The following SCFD2 variants were observed in gnomAD, a reference collection of about 807,000 sequenced individuals.
SCFD2 encodes sec1 family domain-containing protein 2.
Under a neutral mutation model 58.9 loss-of-function variants are expected in SCFD2, and 54 were observed. That is an observed-to-expected ratio of 0.92 (90% CI 0.74 to 1.15). The LOEUF (loss-of-function observed/expected upper bound fraction) is 1.15. Ranked by LOEUF, SCFD2 falls within the 50% of genes most tolerant of loss-of-function variation. The pLI is 0.00. For missense variants in SCFD2, 805 were observed against 836.6 expected (o/e 0.96, Z 0.47); for synonymous variants, 321 against 335.9 (o/e 0.96, Z 0.49).
intron 4 of SCFD2, among the ~76,000 whole-genome samples, chr4:53,218,542 T>C (rs1163073190): frequency 6.6e-6 from 1 of 152,140 alleles, no homozygotes; most frequent in Non-Finnish European, 1.5e-5. Flanking sequence ...TAGGCATTCA[T>C]CTAATCTTTT....
rs1718989866 is a variant in SCFD2, at chr4:52,895,689, T to G, written c.1843-9823A>C. On this transcript the variant is annotated intron_variant, in intron 7 of 8. Transcript: ENST00000401642. ...TCTAATCCTTTGGGTATATACCTAGTAATGGGATGGCTGGGTCAAATGGTA... is the reference window on the plus strand; with the variant it reads ...TCTAATCCTTTGGGTATATACCTAGGAATGGGATGGCTGGGTCAAATGGTA... Among the ~76,000 whole-genome samples, 2 of 152,234 alleles carry G rather than the reference T, an allele frequency of 1.3e-5. 1 individual carries two copies. The highest frequency in any genetic ancestry group is 4.1e-4 in the South Asian group (2 of 4,830).
chr4:53,238,348 C>CGG (rs779264998), intron 4 of SCFD2, among the ~76,000 whole-genome samples: 1 of 100,728 alleles, frequency 9.9e-6, no homozygotes, highest in Non-Finnish European at 2.0e-5. Flanking sequence ...GCTGGCCGGG[C>CGG]GGGGGCTGAT....
intron 5 of SCFD2, among the ~76,000 whole-genome samples, chr4:53,052,791 A>G (rs751252100): frequency 9.9e-5 from 15 of 152,230 alleles, no homozygotes; most frequent in Non-Finnish European, 1.9e-4. Flanking sequence ...GTATCTCCAT[A>G]CAATGCAATA....
At chr4:53,144,528 T>C (rs1726264477) in intron 5 of SCFD2, among the ~76,000 whole-genome samples, 1 of 147,860 alleles carries the variant, frequency 6.8e-6, no homozygotes, top group African/African-American at 2.5e-5. Context: ...GAAATTGGAA[T>C]ATATATATTT....
chr4:53,187,158 G>A (rs1490158732), intron 4 of SCFD2, among the ~76,000 whole-genome samples: 3 of 151,990 alleles, frequency 2.0e-5, no homozygotes, highest in Non-Finnish European at 4.4e-5. Context: ...GCCGAGCTCA[G>A]CATTTCACAA....
At chr4:52,878,001 C>T (rs962164341) in intron 8 of SCFD2, among the ~76,000 whole-genome samples, 3 of 152,194 alleles carry the variant, frequency 2.0e-5, no homozygotes, top group Admixed American at 2.0e-4. Flanking sequence ...GCTTCTTTGT[C>T]TGGGAGAGGA....
At chr4:53,037,155 G>A (rs1031428254) in intron 5 of SCFD2, among the ~76,000 whole-genome samples, 7 of 152,048 alleles carry the variant, frequency 4.6e-5, no homozygotes, top group African/African-American at 1.7e-4. Context: ...ACTGAGGACT[G>A]TTCAAATAAA....
rs180982297 is a variant in SCFD2 at position 53,340,401 on chromosome 4, C to T, written c.1007+12197G>A. Among the ~76,000 whole-genome samples, 21 of 152,282 alleles carry T rather than the reference C, an allele frequency of 1.4e-4. No individual in the cohort carries two copies. The East Asian group carries it at 3.5e-3, about 25-fold the overall frequency. The stretch of plus-strand genomic sequence containing the variant: ...CTGAGATCAAACTACAAGGCGGCAG[C>T]GAGGCTGGGGAAGGGGTGCCCACCA... On this transcript the variant is annotated intron_variant, in intron 2 of 8. Coordinates refer to ENST00000401642, the MANE Select transcript of SCFD2 (RefSeq NM_152540.4).
intron 5 of SCFD2, among the ~76,000 whole-genome samples, chr4:52,991,799 G>A (rs1338926499): frequency 6.6e-6 from 1 of 152,088 alleles, no homozygotes; most frequent in Non-Finnish European, 1.5e-5. Context: ...TAGTAAGGAA[G>A]CCATTCTGCC....
chr4:53,181,660 A>G (rs1290064827), intron 4 of SCFD2, among the ~76,000 whole-genome samples: 1 of 152,196 alleles, frequency 6.6e-6, no homozygotes, highest in African/African-American at 2.4e-5. Context: ...GGCCAGGGCA[A>G]TCAGGCAGGA....
intron 5 of SCFD2, among the ~76,000 whole-genome samples, chr4:53,130,124 T>C (rs1349774484): frequency 6.6e-6 from 1 of 152,140 alleles, no homozygotes; most frequent in African/African-American, 2.4e-5. Context: ...AACTATAACA[T>C]CTTTCAAGTA....
At chr4:53,093,279 G>T (rs537439203) in intron 5 of SCFD2, among the ~76,000 whole-genome samples, 1 of 152,236 alleles carries the variant, frequency 6.6e-6, no homozygotes, top group African/African-American at 2.4e-5. Flanking sequence ...TCAAGGGATG[G>T]CATGTTTTGA....
At chr4:52,939,569 G>A (rs1051816589) in intron 5 of SCFD2, among the ~76,000 whole-genome samples, 5 of 152,086 alleles carry the variant, frequency 3.3e-5, no homozygotes, top group East Asian at 1.9e-4. Context: ...ATTGTGCTAC[G>A]AATCTCAGAG....
intron 7 of SCFD2, among the ~76,000 whole-genome samples, chr4:52,906,270 C>A (rs148694117): frequency 6.6e-6 from 1 of 152,196 alleles, no homozygotes; most frequent in African/African-American, 2.4e-5. Flanking sequence ...ACCTTACTAA[C>A]CAGGCTCTGA....
chr4:53,306,055 A>C (rs540473015), intron 3 of SCFD2, among the ~76,000 whole-genome samples: 17 of 152,308 alleles, frequency 1.1e-4, no homozygotes, highest in Non-Finnish European at 1.5e-5. Flanking sequence ...TCTCAGCCCC[A>C]ACTACTCTGA....
chr4:53,139,557 C>T (rs1437240837), intron 5 of SCFD2, among the ~76,000 whole-genome samples: 1 of 150,496 alleles, frequency 6.6e-6, no homozygotes, highest in African/African-American at 2.4e-5. Context: ...TGAGGAGCCC[C>T]TCCGCCCGGC....
chr4:53,031,890 C>T (rs1473350178), intron 5 of SCFD2, among the ~76,000 whole-genome samples: 1 of 152,094 alleles, frequency 6.6e-6, no homozygotes, highest in East Asian at 1.9e-4. Flanking sequence ...GGAGAACTTC[C>T]CCAACCTAGC....
At chr4:52,958,815 C>G (rs141336271) in intron 5 of SCFD2, among the ~76,000 whole-genome samples, 214 of 152,182 alleles carry the variant, frequency 1.4e-3, no homozygotes, top group African/African-American at 4.9e-3. Context: ...GAAAGCTCTA[C>G]AGGTAAATAC....
chr4:52,873,793 T>A lies in SCFD2; in HGVS notation c.*176A>T. The A allele has an allele frequency of 2.6e-5, 10 of 388,338 alleles. No individual in the cohort carries two copies. Among genetic ancestry groups the A allele is most frequent in the Middle Eastern group, 6.7e-4 (1 of 1,488 alleles). 24.1% of individuals were successfully genotyped at this position (388,338 alleles called of 1,614,324 possible). A position where few individuals can be genotyped will look rare whatever the true frequency, so the allele number is the denominator to read the frequency against. On this transcript the variant is annotated 3_prime_UTR_variant, in exon 9 of 9. Transcript: ENST00000401642. Reference sequence around the variant, plus strand: ...AACTTTTTTTTTTTTTTTTTAAGAATCACAGCAATCCAAGCAAAGTACCTC... The same window carrying A: ...AACTTTTTTTTTTTTTTTTTAAGAAACACAGCAATCCAAGCAAAGTACCTC...
Sources: allele counts gnomAD v4.1 joint callset (sites outside exome capture counted in the v4.1 genomes callset), GRCh38; gene constraint gnomAD v4.1.1; transcripts MANE v1.5; gene names NCBI Gene and HGNC (gene_info 2026-07-23, HGNC 2026-07-21).